The following ATRNL1 variants were observed in gnomAD, a reference collection of about 807,000 sequenced individuals.
ATRNL1 encodes the protein attractin like 1.
In ATRNL1, 95 loss-of-function variants were observed where a neutral mutation model predicts 182.7. The ratio of observed to expected loss-of-function variants is 0.52; its 90% CI spans 0.44 to 0.62. The LOEUF is 0.62. Ranked by LOEUF, ATRNL1 falls within the 20% of genes least tolerant of loss-of-function variation. The pLI is 0.00. For synonymous variants in ATRNL1, 576 were observed against 568.3 expected, an observed-to-expected ratio of 1.01 and a Z score of -0.19; for missense variants, 1,471 against 1,679.5, an observed-to-expected ratio of 0.88 and a Z score of 2.17.
intron 1 of ATRNL1, 82 bp downstream of exon 1, chr10:115,094,125 C>A: frequency 8.0e-7 from 1 of 1,249,758 alleles, no homozygotes. Flanking sequence ...GCGGCCTCCC[C>A]CGCCCCCGTC....
Position 115,185,038 on chromosome 10 carries a change from C to T in ATRNL1, c.1348+13746C>T, listed in dbSNP as rs143573519. On this transcript the variant is annotated intron_variant, in intron 8 of 28. Coordinates refer to ENST00000355044, the MANE Select transcript of ATRNL1 (RefSeq NM_207303.4). ...GAACCAAAGTTCTTCATGTGGAAGACGAGAACTGCAGCTATGAAATGGGGG... is the reference window on the plus strand; with the variant it reads ...GAACCAAAGTTCTTCATGTGGAAGATGAGAACTGCAGCTATGAAATGGGGG... 8.2e-3 allele frequency among the ~76,000 whole-genome samples: 1,250 copies of T among 151,918 alleles called. 9 individuals carry two copies. Among genetic ancestry groups the T allele is most frequent in the Non-Finnish European group, 0.012 (792 of 67,870 alleles).
intron 25 of ATRNL1, among the ~76,000 whole-genome samples, chr10:115,526,237 C>T (rs1554986530): frequency 6.6e-6 from 1 of 152,100 alleles, no homozygotes; most frequent in Non-Finnish European, 1.5e-5. Flanking sequence ...GCTTAGCATT[C>T]TGTCATCTCT....
chr10:115,561,704 G>GTGTGTGTGTGTGTGTGTGTGT (rs1554999746), intron 26 of ATRNL1, among the ~76,000 whole-genome samples: 5 of 144,938 alleles, frequency 3.4e-5, no homozygotes, highest in African/African-American at 1.0e-4. Context: ...TGTGTGTGTG[G>GTGTGTGTGTGTGTGTGTGTGT]GTGTGTGTGT....
At chr10:115,607,520 A>C (rs1413329294) in intron 26 of ATRNL1, among the ~76,000 whole-genome samples, 1 of 151,814 alleles carries the variant, frequency 6.6e-6, no homozygotes, top group African/African-American at 2.4e-5. Context: ...TTTTGCCCTA[A>C]TACCAATTCT....
intron 19 of ATRNL1, among the ~76,000 whole-genome samples, chr10:115,383,949 A>G (rs1163459821): frequency 2.0e-5 from 3 of 152,024 alleles, no homozygotes; most frequent in African/African-American, 7.2e-5. Flanking sequence ...CTGACTTGAT[A>G]TCAACTGAGA....
At chr10:115,391,819 G>A (rs1463181653) in intron 19 of ATRNL1, among the ~76,000 whole-genome samples, 1 of 151,704 alleles carries the variant, frequency 6.6e-6, no homozygotes, top group Non-Finnish European at 1.5e-5. Context: ...ATATATGGGG[G>A]TTTTAGTAGA....
At chr10:115,434,949 G>A (rs1482547664) in intron 21 of ATRNL1, among the ~76,000 whole-genome samples, 2 of 151,794 alleles carry the variant, frequency 1.3e-5, no homozygotes, top group Admixed American at 1.3e-4. Context: ...AATTTATATG[G>A]TACTATGGTT....
At chr10:115,763,030 G>A (rs1358241344) in intron 27 of ATRNL1, among the ~76,000 whole-genome samples, 1 of 152,064 alleles carries the variant, frequency 6.6e-6, no homozygotes, top group African/African-American at 2.4e-5. Context: ...GATGGATTGG[G>A]AAGGTTTAAA....
chr10:115,729,495 TTGTGTGTGTGTGTGTGTGTG>T (rs139166434), intron 27 of ATRNL1, among the ~76,000 whole-genome samples: 4 of 142,098 alleles, frequency 2.8e-5, no homozygotes, highest in Non-Finnish European at 4.6e-5. Context: ...CTACCCCATT[TTGTGTGTGTGTGTGTGTGTG>T]TGTGTGTGTG....
chr10:115,282,801 T>A (rs1201006733), intron 14 of ATRNL1, among the ~76,000 whole-genome samples: 1 of 151,992 alleles, frequency 6.6e-6, no homozygotes, highest in Non-Finnish European at 1.5e-5. Flanking sequence ...AGGTTTTTTT[T>A]TTTTAAAGGT....
intron 26 of ATRNL1, among the ~76,000 whole-genome samples, chr10:115,557,451 G>T (rs1853379638): frequency 1.3e-5 from 2 of 152,116 alleles, no homozygotes; most frequent in Admixed American, 1.3e-4. Context: ...AATGAAGGTG[G>T]AGAAAAACCC....
intron 21 of ATRNL1, among the ~76,000 whole-genome samples, chr10:115,432,710 TCAAA>T (rs782329471): frequency 6.6e-6 from 1 of 152,114 alleles, no homozygotes; most frequent in Admixed American, 6.5e-5. Flanking sequence ...GGGAAAACGT[TCAAA>T]CAGTGTTAAC....
At chr10:115,142,986 T>C (rs1160598213) in intron 5 of ATRNL1, among the ~76,000 whole-genome samples, 2 of 152,174 alleles carry the variant, frequency 1.3e-5, no homozygotes, top group East Asian at 3.9e-4. Context: ...CTTTGAGATA[T>C]TCAAAAGGAG....
rs139292976 is a variant in ATRNL1, at chr10:115,760,779, A to G, written c.3903+33424A>G. ...CTACTTGTTTGAAAGGTTATCAAGT[A>G]GTAAGTAATACCAGCAGAGCATGAA... On this transcript the variant is annotated intron_variant, in intron 27 of 28. Coordinates refer to ENST00000355044, the MANE Select transcript of ATRNL1 (RefSeq NM_207303.4). Among the ~76,000 whole-genome samples, 24 of 152,370 alleles carry G rather than the reference A, an allele frequency of 1.6e-4. 2 individuals are homozygous for G. The South Asian group carries it at 2.7e-3, about 17-fold the overall frequency.
rs190602739 is a variant in ATRNL1 at position 115,713,788 on chromosome 10, T to A, written c.3796-13460T>A. Among the ~76,000 whole-genome samples, 311 of 152,140 alleles carry A rather than the reference T, an allele frequency of 2.0e-3. 1 individual carries two copies. Among genetic ancestry groups the A allele is most frequent in the African/African-American group, 7.0e-3 (291 of 41,468 alleles). On this transcript the variant is annotated intron_variant, in intron 26 of 28. Transcript: ENST00000355044. ...AAGAGATTGAATGAGCCAAGAAAGC[T>A]GTCTAGTCATCAGTTGCTGAAGGAC...
intron 26 of ATRNL1, among the ~76,000 whole-genome samples, chr10:115,656,428 C>T (rs1860335112): frequency 6.6e-6 from 1 of 152,128 alleles, no homozygotes; most frequent in Non-Finnish European, 1.5e-5. Flanking sequence ...AGTTTATTCC[C>T]ACATCCAAAA....
At chr10:115,666,270 G>A (rs1485833300) in intron 26 of ATRNL1, among the ~76,000 whole-genome samples, 7 of 152,018 alleles carry the variant, frequency 4.6e-5, no homozygotes, top group Admixed American at 6.6e-5. Context: ...CTAAATATTG[G>A]CTGTTATGAT....
At chr10:115,246,553 CTTTTTTTT>C (rs1226864852) in intron 10 of ATRNL1, among the ~76,000 whole-genome samples, 1 of 117,942 alleles carries the variant, frequency 8.5e-6, no homozygotes, top group South Asian at 2.7e-4. Context: ...CTCTCTCATT[CTTTTTTTT>C]TTTTTTTTTT....
At chr10:115,711,212 A>G (rs781996691) in intron 26 of ATRNL1, among the ~76,000 whole-genome samples, 6 of 152,160 alleles carry the variant, frequency 3.9e-5, no homozygotes, top group Non-Finnish European at 8.8e-5. Flanking sequence ...TTATTTTGCT[A>G]ATTCTGAACT....
Sources: allele counts gnomAD v4.1 joint callset (sites outside exome capture counted in the v4.1 genomes callset), GRCh38; gene constraint gnomAD v4.1.1; transcripts MANE v1.5; gene names NCBI Gene and HGNC (gene_info 2026-07-23, HGNC 2026-07-21).